The following PCDH15 variants were observed in gnomAD, a reference collection of about 807,000 sequenced individuals.
The protein encoded by PCDH15 is protocadherin-15.
PCDH15 carries 129 observed loss-of-function variants against 178.5 expected under a neutral mutation model. The observed-to-expected ratio is 0.72, with a 90% CI of 0.63 to 0.84. PCDH15 has a LOEUF of 0.84. PCDH15 is among the 40% of genes least tolerant of loss of function. The pLI is 0.00. For missense variants in PCDH15, 2,230 were observed against 2,099.9 expected (o/e 1.06, Z -1.21); for synonymous variants, 800 against 732.0 (o/e 1.09, Z -1.50).
chr10:54,860,101 G>A (rs1055747021), intron 3 of PCDH15, among the ~76,000 whole-genome samples: 12 of 152,156 alleles, frequency 7.9e-5, no homozygotes, highest in African/African-American at 2.9e-4. Context: ...GTGTGGGGGT[G>A]TGTTTAAAAT....
chr10:54,666,575 C>CT (rs899743327), intron 1 of PCDH15, among the ~76,000 whole-genome samples: 8 of 151,800 alleles, frequency 5.3e-5, no homozygotes, highest in African/African-American at 1.9e-4. Flanking sequence ...GGCTTCAAAT[C>CT]TTTTTTTATT....
At chr10:54,398,947 T>C (rs1951585292) in intron 3 of PCDH15, among the ~76,000 whole-genome samples, 1 of 152,104 alleles carries the variant, frequency 6.6e-6, no homozygotes, top group South Asian at 2.1e-4. Context: ...TTTTCTAAAC[T>C]ATAGAATTTT....
intron 8 of PCDH15, among the ~76,000 whole-genome samples, chr10:54,306,143 A>G (rs1430401469): frequency 1.3e-5 from 2 of 151,950 alleles, no homozygotes; most frequent in African/African-American, 4.8e-5. Context: ...GGAAAAAAAA[A>G]ATTTGATGGT....
intron 2 of PCDH15, among the ~76,000 whole-genome samples, chr10:55,608,335 A>G (rs573158484): frequency 2.0e-5 from 3 of 151,330 alleles, no homozygotes; most frequent in Non-Finnish European, 4.4e-5. Flanking sequence ...GGGAGAGGAG[A>G]GATAATAAAA....
intron 3 of PCDH15, among the ~76,000 whole-genome samples, chr10:54,835,425 A>G (rs1165938976): frequency 2.0e-5 from 3 of 152,112 alleles, no homozygotes; most frequent in Non-Finnish European, 4.4e-5. Context: ...TTTCTCATAC[A>G]TGCACACACA....
At chr10:54,343,167 T>C (rs1471570192) in intron 6 of PCDH15, among the ~76,000 whole-genome samples, 2 of 152,180 alleles carry the variant, frequency 1.3e-5, no homozygotes, top group African/African-American at 2.4e-5. Flanking sequence ...ATTATATGGT[T>C]TGTCTCTGTG....
In PCDH15 at chr10:55,078,313, C is replaced by T. The variant is rs117174879; in HGVS notation, c.-80+88263G>A. ...CTGTGGAGAAGATATTTTGGCATTG[C>T]ATCTGTCTGGGGGATTGCTTGGCCT... On this transcript the variant is annotated intron_variant, in intron 2 of 5. Coordinates refer to the PCDH15 transcript ENST00000458638. Among the ~76,000 whole-genome samples the T allele has an allele frequency of 2.6e-3, 399 of 152,176 alleles. 2 individuals are homozygous for T. Among genetic ancestry groups the T allele is most frequent in the Middle Eastern group, 6.8e-3 (2 of 294 alleles).
At chr10:53,859,187 C>T (rs1252770713) in intron 27 of PCDH15, among the ~76,000 whole-genome samples, 1 of 152,064 alleles carries the variant, frequency 6.6e-6, no homozygotes, top group East Asian at 1.9e-4. Context: ...AAGCTCCCAT[C>T]ATCTCCTCTA....
intron 26 of PCDH15, among the ~76,000 whole-genome samples, chr10:53,877,751 TC>T (rs1409913890): frequency 6.6e-6 from 1 of 152,016 alleles, no homozygotes; most frequent in East Asian, 1.9e-4. Context: ...TTCAGCATCC[TC>T]CCCCTCGGTT....
chr10:55,263,651 G>T (rs1842203760), intron 1 of PCDH15, among the ~76,000 whole-genome samples: 2 of 151,948 alleles, frequency 1.3e-5, no homozygotes, highest in Non-Finnish European at 2.9e-5. Context: ...GGATTAGAGG[G>T]ACTCACTTGC....
intron 3 of PCDH15, among the ~76,000 whole-genome samples, chr10:54,843,027 C>T (rs540316532): frequency 1.3e-4 from 20 of 152,056 alleles, no homozygotes; most frequent in Admixed American, 5.9e-4. Flanking sequence ...CCAGCTTATA[C>T]GATCCTTTAA....
chr10:55,208,665 A>C (rs569629652), intron 1 of PCDH15, among the ~76,000 whole-genome samples: 1 of 151,970 alleles, frequency 6.6e-6, no homozygotes, highest in Non-Finnish European at 1.5e-5. Flanking sequence ...CAAATCATAC[A>C]CTTTTTTTGT....
At chr10:54,347,863 T>G (rs1403275404) in intron 5 of PCDH15, among the ~76,000 whole-genome samples, 1 of 152,238 alleles carries the variant, frequency 6.6e-6, no homozygotes, top group Admixed American at 6.5e-5. Context: ...ATTTATTTAT[T>G]TTTGAGATGG....
rs118121958 is a variant in PCDH15 at position 53,924,067 on chromosome 10, C to A, written c.3373+14748G>T. On this transcript the variant is annotated intron_variant, in intron 25 of 37. Transcript: ENST00000644397. The stretch of plus-strand genomic sequence containing the variant: ...GATCTCAGCACCTCCTCAGCCTTGG[C>A]GCCCACTCTGGCCGCGCTTGAGGAG... 1.2e-3 allele frequency among the ~76,000 whole-genome samples: 179 copies of A among 152,304 alleles called. 8 individuals are homozygous for A. In the East Asian group the frequency reaches 0.033, roughly 28 times the overall value.
chr10:53,857,184 T>A lies in PCDH15; in HGVS notation c.3797A>T (p.Asp1266Val). Residue 1266 changes from aspartate (D) to valine (V), a missense_variant, in exon 28 of 38, where the codon GAT (aspartate) becomes GTT (valine). Physicochemically the swap from Asp to Val is radical, Grantham distance 152 (BLOSUM62 -3). Coordinates refer to ENST00000644397, the MANE Select transcript of PCDH15 (RefSeq NM_001384140.1). ...PPTLVEKKIE[D>V]LTEILDRYVQ... ...AGACAAAATCAATTACTCTGTAAGATCTTCTATCTTTTTTTCCACTAGAGT... is the reference window on the plus strand; with the variant it reads ...AGACAAAATCAATTACTCTGTAAGAACTTCTATCTTTTTTTCCACTAGAGT... The A allele has an allele frequency of 6.3e-7, 1 of 1,594,616 alleles. No homozygotes were observed. The highest frequency in any genetic ancestry group is 1.7e-5 in the Admixed American group (1 of 59,830).
chr10:55,601,977 C>G (rs2132145790), intron 2 of PCDH15, among the ~76,000 whole-genome samples: 1 of 152,206 alleles, frequency 6.6e-6, no homozygotes, highest in Non-Finnish European at 1.5e-5. Context: ...ATCTGAGGTA[C>G]CAGGTTCATC....
chr10:54,813,667 T>G (rs1002420482), intron 3 of PCDH15, among the ~76,000 whole-genome samples: 1 of 152,210 alleles, frequency 6.6e-6, no homozygotes, highest in Non-Finnish European at 1.5e-5. Flanking sequence ...CCACAATCAT[T>G]GTTCTTCAAG....
At chr10:53,998,452 TTTTA>T (rs2091960691) in intron 20 of PCDH15, among the ~76,000 whole-genome samples, 1 of 152,248 alleles carries the variant, frequency 6.6e-6, no homozygotes, top group Non-Finnish European at 1.5e-5. Flanking sequence ...GAAAACTATG[TTTTA>T]TTTATTTATT....
intron 27 of PCDH15, among the ~76,000 whole-genome samples, chr10:53,865,272 G>GTATAA (rs1485914030): frequency 6.6e-6 from 1 of 152,102 alleles, no homozygotes; most frequent in Non-Finnish European, 1.5e-5. Context: ...TTTATATGAT[G>GTATAA]TACTGCTTAT....
Sources: gnomAD v4.1 joint callset for allele counts (sites outside exome capture counted in the v4.1 genomes callset) on GRCh38, gnomAD v4.1.1 for gene constraint, MANE v1.5 for transcripts, NCBI Gene and HGNC (gene_info 2026-07-23, HGNC 2026-07-21) for gene names.